The following PDZRN3 variants were observed in gnomAD, a reference collection of about 807,000 sequenced individuals.
PDZRN3 encodes the protein E3 ubiquitin-protein ligase PDZRN3.
PDZRN3 carries 38 observed loss-of-function variants against 85.7 expected under a neutral mutation model. The ratio of observed to expected loss-of-function variants is 0.44; its 90% CI spans 0.34 to 0.58. The LOEUF (loss-of-function observed/expected upper bound fraction) is 0.58. PDZRN3 is among the 20% of genes least tolerant of loss of function. The probability of loss-of-function intolerance (pLI) is 0.01; values close to 1 mark genes in which losing one functional copy is unlikely to be tolerated. For synonymous variants in PDZRN3, 759 were observed against 638.0 expected (o/e 1.19, Z -2.86); for missense variants, 1,629 against 1,506.4 (o/e 1.08, Z -1.35).
intron 1 of PDZRN3, among the ~76,000 whole-genome samples, chr3:73,614,288 T>C (rs570223833): frequency 1.3e-5 from 2 of 152,300 alleles, no homozygotes; most frequent in African/African-American, 4.8e-5. Flanking sequence ...ATGTGAACCA[T>C]CTATTGGCAA....
chr3:73,438,871 G>A (rs1011562669), intron 3 of PDZRN3, among the ~76,000 whole-genome samples: 5 of 152,172 alleles, frequency 3.3e-5, no homozygotes, highest in African/African-American at 1.2e-4. Context: ...CCTCATCTGC[G>A]TCCTCTGGAC....
intron 1 of PDZRN3, among the ~76,000 whole-genome samples, chr3:73,615,464 T>C (rs137864495): frequency 7.6e-4 from 116 of 152,304 alleles, no homozygotes; most frequent in African/African-American, 2.5e-3. Flanking sequence ...TCAAAATTCA[T>C]ATGTTGAAAT....
At chr3:73,387,910 G>C in intron 8 of PDZRN3, 58 bp downstream of exon 8, 1 of 801,924 alleles carries the variant, frequency 1.2e-6, no homozygotes, top group Non-Finnish European at 2.1e-6. Flanking sequence ...TTGCAGGCCT[G>C]GGGATCTTTT....
At chr3:73,452,033 C>A (rs1173968796) in intron 3 of PDZRN3, among the ~76,000 whole-genome samples, 1 of 152,162 alleles carries the variant, frequency 6.6e-6, no homozygotes, top group Non-Finnish European at 1.5e-5. Flanking sequence ...TAAGCAATAA[C>A]CTGCTATGTC....
chr3:73,557,954 CA>C (rs1347801263), intron 3 of PDZRN3, among the ~76,000 whole-genome samples: 2 of 151,892 alleles, frequency 1.3e-5, no homozygotes, highest in African/African-American at 2.4e-5. Context: ...AAAAACACAC[CA>C]AAATCTTAAG....
chr3:73,475,514 C>A (rs1458617763), intron 3 of PDZRN3, among the ~76,000 whole-genome samples: 1 of 152,162 alleles, frequency 6.6e-6, no homozygotes, highest in Non-Finnish European at 1.5e-5. Flanking sequence ...ATAAAATAAA[C>A]CTCTCAAAGT....
At chr3:73,585,259 C>G (rs1438655603) in intron 3 of PDZRN3, among the ~76,000 whole-genome samples, 1 of 152,172 alleles carries the variant, frequency 6.6e-6, no homozygotes, top group African/African-American at 2.4e-5. Context: ...TAGGAAGTTT[C>G]TATTTGGTCT....
chr3:73,387,535 T>C (rs1022695543), intron 8 of PDZRN3, among the ~76,000 whole-genome samples: 1 of 151,904 alleles, frequency 6.6e-6, no homozygotes, highest in Non-Finnish European at 1.5e-5. Context: ...TCGGTGGTCA[T>C]ATCAGTTTTA....
intron 3 of PDZRN3, among the ~76,000 whole-genome samples, chr3:73,435,558 A>C (rs1575652458): frequency 6.6e-6 from 1 of 152,188 alleles, no homozygotes; most frequent in East Asian, 1.9e-4. Flanking sequence ...TCTAATAAAA[A>C]ACAGAGGTCA....
chr3:73,452,874 T>TGTGTGTGTGTGTGTGTG (rs71126871), intron 3 of PDZRN3, among the ~76,000 whole-genome samples: 14 of 151,518 alleles, frequency 9.2e-5, no homozygotes, highest in South Asian at 2.1e-4. Flanking sequence ...TGTGTGTGTG[T>TGTGTGTGTGTGTGTGTG]TTTAAGTCCA....
At chr3:73,431,095 G>A (rs1430023784) in intron 3 of PDZRN3, among the ~76,000 whole-genome samples, 1 of 152,166 alleles carries the variant, frequency 6.6e-6, no homozygotes, top group Non-Finnish European at 1.5e-5. Flanking sequence ...AGGTAGGCAG[G>A]AGGCTTCCTC....
intron 3 of PDZRN3, among the ~76,000 whole-genome samples, chr3:73,470,487 T>C (rs1218789545): frequency 6.6e-6 from 1 of 152,172 alleles, no homozygotes; most frequent in Admixed American, 6.5e-5. Flanking sequence ...GAAAGAGAAG[T>C]AACATGATCA....
chr3:73,574,587 T>A (rs1358166561), intron 3 of PDZRN3, among the ~76,000 whole-genome samples: 2 of 151,998 alleles, frequency 1.3e-5, no homozygotes, highest in Admixed American at 6.6e-5. Context: ...GCCTCCCAAG[T>A]AGCTGGGATT....
At chr3:73,494,440 A>G (rs1703830415) in intron 3 of PDZRN3, among the ~76,000 whole-genome samples, 3 of 152,118 alleles carry the variant, frequency 2.0e-5, no homozygotes, top group South Asian at 4.1e-4. Context: ...ACATAAAGCT[A>G]CTCCTGAAAA....
In PDZRN3 at chr3:73,501,774, A is replaced by G. The variant is rs142367389; in HGVS notation, c.919-97379T>C. 1.1e-3 allele frequency among the ~76,000 whole-genome samples: 172 copies of G among 152,208 alleles called. 1 individual carries two copies. Among genetic ancestry groups the G allele is most frequent in the African/African-American group, 3.0e-3 (126 of 41,540 alleles). On this transcript the variant is annotated intron_variant, in intron 3 of 9. Transcript: ENST00000263666. ...TCATACCTGTAATCCCAGCACTTTC[A>G]GAGGCTGAGGCGGGCAGATCACTTG...
chr3:73,396,084 A>G (rs764963021), intron 5 of PDZRN3, among the ~76,000 whole-genome samples: 1 of 152,146 alleles, frequency 6.6e-6, no homozygotes, highest in African/African-American at 2.4e-5. Context: ...TTAGCCAGGT[A>G]TGGTGGCACA....
intron 3 of PDZRN3, among the ~76,000 whole-genome samples, chr3:73,533,385 CTCAAA>C (rs1390173121): frequency 6.6e-6 from 1 of 152,140 alleles, no homozygotes; most frequent in Non-Finnish European, 1.5e-5. Context: ...TATCCACTTA[CTCAAA>C]TCTTTTCAAA....
chr3:73,609,027 G>A (rs1388283953), intron 1 of PDZRN3, among the ~76,000 whole-genome samples: 1 of 152,050 alleles, frequency 6.6e-6, no homozygotes, highest in Admixed American at 6.6e-5. Context: ...CTGTCTAGAC[G>A]GCTACTTTCT....
At chr3:73,624,039 T>A in intron 1 of PDZRN3, 64 bp downstream of exon 1, 1 of 1,364,216 alleles carries the variant, frequency 7.3e-7, no homozygotes, top group Non-Finnish European at 9.4e-7. Context: ...CCCAAAGGGA[T>A]GGGGCGGGGC....
Sources: allele counts gnomAD v4.1 joint callset (sites outside exome capture counted in the v4.1 genomes callset), GRCh38; gene constraint gnomAD v4.1.1; transcripts MANE v1.5; gene names NCBI Gene and HGNC (gene_info 2026-07-23, HGNC 2026-07-21).